Variants in CHN2 observed in about 807,000 individuals in gnomAD.
CHN2 encodes beta-chimaerin.
A neutral mutation model predicts 56.3 loss-of-function variants in CHN2; 35 were observed. The ratio of observed to expected loss-of-function variants is 0.62; its 90% CI spans 0.47 to 0.82. The LOEUF is 0.82. Among genes scored for constraint, CHN2 ranks in the 40% least tolerant of loss-of-function variants. The probability of loss-of-function intolerance (pLI) is 0.00; values close to 1 mark genes in which losing one functional copy is unlikely to be tolerated. For synonymous variants in CHN2, 210 were observed against 212.8 expected (o/e 0.99, Z 0.12); for missense variants, 491 against 580.5 (o/e 0.85, Z 1.58).
At chr7:29,489,138 T>C (rs1392527965) in intron 7 of CHN2, among the ~76,000 whole-genome samples, 3 of 152,214 alleles carry the variant, frequency 2.0e-5, no homozygotes. Context: ...GCTAAATGCC[T>C]GAGATCTTTC....
intron 1 of CHN2, among the ~76,000 whole-genome samples, chr7:29,279,894 G>T (rs369192938): frequency 1.3e-5 from 2 of 152,332 alleles, no homozygotes; most frequent in African/African-American, 4.8e-5. Context: ...TCTAGCAGCA[G>T]TGGGGGTCTG....
At chr7:29,485,574 C>T (rs933890083) in intron 7 of CHN2, among the ~76,000 whole-genome samples, 4 of 152,024 alleles carry the variant, frequency 2.6e-5, no homozygotes, top group African/African-American at 9.7e-5. Context: ...TGGCTGAAGC[C>T]CAAGTAGATA....
At chr7:29,195,048 C>G in intron 1 of CHN2, 58 bp downstream of exon 1, 2 of 1,536,630 alleles carry the variant, frequency 1.3e-6, no homozygotes, top group Non-Finnish European at 1.8e-6. Flanking sequence ...ACTGCCCTCG[C>G]CCCGCAGCCT....
intron 7 of CHN2, among the ~76,000 whole-genome samples, chr7:29,494,802 G>A (rs993752068): frequency 6.6e-6 from 1 of 151,434 alleles, no homozygotes; most frequent in Non-Finnish European, 1.5e-5. Context: ...CATTTTGTTT[G>A]CCTCTTTATG....
At chr7:29,204,873 ATAAT>A (rs771836209) in intron 1 of CHN2, among the ~76,000 whole-genome samples, 1 of 152,256 alleles carries the variant, frequency 6.6e-6, no homozygotes, top group African/African-American at 2.4e-5. Context: ...CTCTCCTGAA[ATAAT>A]TAATATCAGA....
chr7:29,353,475 G>A (rs754161144), intron 1 of CHN2, among the ~76,000 whole-genome samples: 1 of 152,160 alleles, frequency 6.6e-6, no homozygotes, highest in African/African-American at 2.4e-5. Context: ...CCAACATGGC[G>A]AAATGCCGTC....
At chr7:29,266,409 A>G (rs570002762) in intron 1 of CHN2, among the ~76,000 whole-genome samples, 1 of 152,308 alleles carries the variant, frequency 6.6e-6, no homozygotes, top group South Asian at 2.1e-4. Flanking sequence ...CAGACTAACC[A>G]TCTTTTCTGC....
intron 1 of CHN2, among the ~76,000 whole-genome samples, chr7:29,351,107 CAA>C (rs55787771): frequency 1.8e-3 from 127 of 70,030 alleles, no homozygotes; most frequent in Middle Eastern, 9.8e-3. Context: ...GACTCCATCT[CAA>C]AAAAAAAAAA....
chr7:29,384,853 G>C (rs1360777340), intron 3 of CHN2, among the ~76,000 whole-genome samples: 5 of 152,174 alleles, frequency 3.3e-5, no homozygotes, highest in African/African-American at 1.2e-4. Flanking sequence ...GCTGTGAGTG[G>C]TGGAAGTTTT....
chr7:29,473,478 T>TGTGTGTGTGTGTG (rs1554299007), intron 6 of CHN2, among the ~76,000 whole-genome samples: 17 of 111,444 alleles, frequency 1.5e-4, no homozygotes, highest in African/African-American at 6.0e-4. Context: ...GTGTTTTTTT[T>TGTGTGTGTGTGTG]TTTTTGTGTG....
At chr7:29,287,209 G>A (rs1343335124) in intron 1 of CHN2, among the ~76,000 whole-genome samples, 2 of 152,102 alleles carry the variant, frequency 1.3e-5, no homozygotes, top group African/African-American at 2.4e-5. Context: ...GCAAAAATAC[G>A]CTTGGTCTTC....
At chr7:29,472,035 C>T (rs1311327239) in intron 6 of CHN2, among the ~76,000 whole-genome samples, 2 of 152,070 alleles carry the variant, frequency 1.3e-5, no homozygotes, top group African/African-American at 2.4e-5. Flanking sequence ...TGGCAGTATG[C>T]AAGAGGGTTC....
chr7:29,463,469 C>T (rs1785323371), intron 6 of CHN2, among the ~76,000 whole-genome samples: 1 of 152,164 alleles, frequency 6.6e-6, no homozygotes, highest in Admixed American at 6.5e-5. Context: ...AGGGTCTCGG[C>T]TTTTGTGCTT....
At chr7:29,263,547 G>A (rs968669099) in intron 1 of CHN2, among the ~76,000 whole-genome samples, 2 of 151,766 alleles carry the variant, frequency 1.3e-5, no homozygotes, top group South Asian at 2.1e-4. Context: ...AGTGAGGAGC[G>A]CCTCTTTCCA....
At chr7:29,343,818 A>G (rs1797229431) in intron 1 of CHN2, among the ~76,000 whole-genome samples, 1 of 151,102 alleles carries the variant, frequency 6.6e-6, no homozygotes, top group African/African-American at 2.4e-5. Flanking sequence ...CAGCTGCCAT[A>G]TGTATGCTGG....
intron 6 of CHN2, among the ~76,000 whole-genome samples, chr7:29,475,775 A>G (rs999506891): frequency 1.3e-5 from 2 of 152,264 alleles, no homozygotes; most frequent in African/African-American, 4.8e-5. Context: ...AAGCAGCCAG[A>G]TATCAAAACC....
chr7:29,162,169 G>A (rs1384442420), intron 2 of CHN2, among the ~76,000 whole-genome samples: 1 of 152,142 alleles, frequency 6.6e-6, no homozygotes, highest in African/African-American at 2.4e-5. Flanking sequence ...GTACCTCTGG[G>A]CATTTATCCT....
chr7:29,171,370 T>A (rs1050440916), intron 2 of CHN2, among the ~76,000 whole-genome samples: 3 of 152,200 alleles, frequency 2.0e-5, no homozygotes. Flanking sequence ...CAAACCAACA[T>A]AATACATATG....
chr7:29,384,764 T>C (rs893720530), intron 3 of CHN2, among the ~76,000 whole-genome samples: 2 of 152,182 alleles, frequency 1.3e-5, no homozygotes, highest in Non-Finnish European at 2.9e-5. Context: ...AAACATGACT[T>C]CTCTGAGCCC....
Sources: allele counts gnomAD v4.1 joint callset (sites outside exome capture counted in the v4.1 genomes callset), GRCh38; gene constraint gnomAD v4.1.1; transcripts MANE v1.5; gene names NCBI Gene and HGNC (gene_info 2026-07-23, HGNC 2026-07-21).